The following IMMP2L variants were observed in gnomAD, a reference collection of about 807,000 sequenced individuals.
IMMP2L encodes the protein inner mitochondrial membrane peptidase subunit 2, also known as mitochondrial inner membrane protease subunit 2.
In IMMP2L, 18 loss-of-function variants were observed where a neutral mutation model predicts 19.3. That is an observed-to-expected ratio of 0.93 (90% CI 0.64 to 1.38). The LOEUF is 1.38. IMMP2L is among the 40% of genes most tolerant of loss of function. The pLI is 0.00. For synonymous variants in IMMP2L, 76 were observed against 73.0 expected, an observed-to-expected ratio of 1.04 and a Z score of -0.21; for missense variants, 233 against 218.2, an observed-to-expected ratio of 1.07 and a Z score of -0.43.
chr7:111,192,723 A>G (rs144093036), intron 3 of IMMP2L, among the ~76,000 whole-genome samples: 1 of 152,274 alleles, frequency 6.6e-6, no homozygotes, highest in African/African-American at 2.4e-5. Context: ...AGGTTAATCA[A>G]AGAAAGGGGA....
intron 5 of IMMP2L, among the ~76,000 whole-genome samples, chr7:110,715,210 T>C (rs1389794496): frequency 6.6e-6 from 1 of 152,170 alleles, no homozygotes; most frequent in Non-Finnish European, 1.5e-5. Context: ...TTCATCCTTT[T>C]AAAGAACCAA....
intron 5 of IMMP2L, among the ~76,000 whole-genome samples, chr7:110,675,013 T>A (rs1439268718): frequency 6.6e-6 from 1 of 152,230 alleles, no homozygotes; most frequent in Non-Finnish European, 1.5e-5. Context: ...AATCAAGGCC[T>A]GGTATAGGGT....
chr7:111,225,649 A>T (rs1813004539), intron 3 of IMMP2L, among the ~76,000 whole-genome samples: 1 of 151,478 alleles, frequency 6.6e-6, no homozygotes, highest in Non-Finnish European at 1.5e-5. Flanking sequence ...AAAGTGCTAT[A>T]AAATACTCAT....
intron 3 of IMMP2L, among the ~76,000 whole-genome samples, chr7:111,441,992 C>T (rs1837785884): frequency 6.6e-6 from 1 of 151,626 alleles, no homozygotes. Flanking sequence ...CAAAAATTAG[C>T]TGGGTGTGGT....
intron 3 of IMMP2L, among the ~76,000 whole-genome samples, chr7:111,365,097 A>T (rs999327804): frequency 1.3e-5 from 2 of 152,156 alleles, no homozygotes; most frequent in Non-Finnish European, 2.9e-5. Context: ...TTAAGAAATA[A>T]GATAAACTTT....
intron 3 of IMMP2L, among the ~76,000 whole-genome samples, chr7:111,398,560 G>A (rs1833101964): frequency 1.3e-5 from 2 of 151,924 alleles, no homozygotes; most frequent in Non-Finnish European, 2.9e-5. Context: ...TCTGAGTACT[G>A]GAACAAGACA....
At position 111,122,973 on chromosome 7, in the gene IMMP2L, G is replaced by T. The variant is rs771207807; in HGVS notation, c.240-159408C>A. 7 of 1,613,988 alleles carry T rather than the reference G, an allele frequency of 4.3e-6. No homozygotes were observed. The Admixed American group carries it at 8.3e-5, about 19-fold the overall frequency. On this transcript the variant is annotated intron_variant, in intron 3 of 5. Transcript: ENST00000405709. ...GTCTTTTAACTTTCCCAGCCAGATT[G>T]CCAGCTAACACACAGATTCTTCTCC...
At chr7:111,432,140 C>G (rs1234586756) in intron 3 of IMMP2L, among the ~76,000 whole-genome samples, 3 of 151,572 alleles carry the variant, frequency 2.0e-5, no homozygotes, top group African/African-American at 7.3e-5. Context: ...TGCCCTAAAC[C>G]TGTGGGATCT....
At chr7:110,889,334 T>C (rs943029020) in intron 4 of IMMP2L, among the ~76,000 whole-genome samples, 2 of 152,144 alleles carry the variant, frequency 1.3e-5, no homozygotes, top group African/African-American at 4.8e-5. Flanking sequence ...GTCCTGAGCT[T>C]GTTTTCCTGT....
intron 3 of IMMP2L, among the ~76,000 whole-genome samples, chr7:111,423,750 T>G (rs1835810349): frequency 6.6e-6 from 1 of 151,578 alleles, no homozygotes; most frequent in Non-Finnish European, 1.5e-5. Context: ...TTAAAAGAAC[T>G]AGAGAAGCAA....
chr7:110,721,545 AACAAACAAAAAACAAAAAAACAC>A (rs1018072081), intron 5 of IMMP2L, among the ~76,000 whole-genome samples: 6 of 152,210 alleles, frequency 3.9e-5, no homozygotes, highest in Admixed American at 1.3e-4. Flanking sequence ...CAAACAAACA[AACAAACAAAAAACAAAAAAACAC>A]ACAAACAAAA....
intron 3 of IMMP2L, among the ~76,000 whole-genome samples, chr7:111,087,123 G>A (rs934275126): frequency 1.3e-5 from 2 of 152,094 alleles, no homozygotes; most frequent in African/African-American, 4.8e-5. Context: ...GCTTCTTTCA[G>A]CCAATGTTTC....
At chr7:110,891,668 TAAGG>T (rs1300652130) in intron 4 of IMMP2L, among the ~76,000 whole-genome samples, 2 of 152,004 alleles carry the variant, frequency 1.3e-5, no homozygotes, top group African/African-American at 4.8e-5. Flanking sequence ...AATACATGAG[TAAGG>T]AAGAATATAA....
chr7:110,816,777 T>A (rs1447317636), intron 5 of IMMP2L, among the ~76,000 whole-genome samples: 11 of 151,578 alleles, frequency 7.3e-5, no homozygotes, highest in South Asian at 4.2e-4. Flanking sequence ...TATCAGAGAC[T>A]AGGATTGCAA....
At chr7:111,482,934 T>C in intron 3 of IMMP2L, among the ~76,000 whole-genome samples, 1 of 152,232 alleles carries the variant, frequency 6.6e-6, no homozygotes, top group Non-Finnish European at 1.5e-5. Context: ...AACTGGCATA[T>C]ACTGAAGGTG....
intron 5 of IMMP2L, among the ~76,000 whole-genome samples, chr7:110,717,496 C>T (rs1795304619): frequency 6.6e-6 from 1 of 152,014 alleles, no homozygotes; most frequent in Admixed American, 6.6e-5. Context: ...AAAACAAAAA[C>T]AACTCAAAGT....
At chr7:111,288,517 T>A (rs893803775) in intron 3 of IMMP2L, among the ~76,000 whole-genome samples, 10 of 152,086 alleles carry the variant, frequency 6.6e-5, no homozygotes, top group African/African-American at 1.7e-4. Flanking sequence ...AATTTTGCAA[T>A]CTATCCATCT....
intron 3 of IMMP2L, among the ~76,000 whole-genome samples, chr7:111,329,722 AACATTTCGAATT>A (rs1402132458): frequency 3.9e-5 from 6 of 151,922 alleles, no homozygotes; most frequent in Non-Finnish European, 5.9e-5. Context: ...AAAAGGGGAG[AACATTTCGAATT>A]ACATAAAACA....
chr7:111,028,432 A>G (rs1490532321), intron 3 of IMMP2L, among the ~76,000 whole-genome samples: 1 of 152,160 alleles, frequency 6.6e-6, no homozygotes, highest in African/African-American at 2.4e-5. Flanking sequence ...TCTTGCAATC[A>G]GCATAGGGAA....
Sources: gnomAD v4.1 joint callset for allele counts (sites outside exome capture counted in the v4.1 genomes callset) on GRCh38, gnomAD v4.1.1 for gene constraint, MANE v1.5 for transcripts, NCBI Gene and HGNC (gene_info 2026-07-23, HGNC 2026-07-21) for gene names.